EIF3J: variants seen among roughly 807,000 people sequenced by gnomAD.
The protein encoded by EIF3J is eukaryotic translation initiation factor 3, subunit 1 (alpha, 35kD).
A neutral mutation model predicts 39.0 loss-of-function variants in EIF3J; 15 were observed. The ratio of observed to expected loss-of-function variants is 0.38; its 90% CI spans 0.26 to 0.59. The LOEUF (loss-of-function observed/expected upper bound fraction) is 0.59, where lower values mean the gene tolerates loss of function less well. Among genes scored for constraint, EIF3J ranks in the 20% least tolerant of loss-of-function variants. EIF3J has a pLI of 0.60. For synonymous variants in EIF3J, 98 were observed against 112.9 expected (o/e 0.87, Z 0.84); for missense variants, 226 against 308.6 (o/e 0.73, Z 2.00).
rs779492043 is a variant in EIF3J, at chr15:44,537,153, T to C, written c.-42T>C. The C allele has an allele frequency of 1.2e-6, 2 of 1,612,848 alleles. No individual in the cohort carries two copies. The highest frequency in any genetic ancestry group is 1.7e-6 in the Non-Finnish European group (2 of 1,179,448). On this transcript the variant is annotated 5_prime_UTR_variant, in exon 1 of 8. Transcript: ENST00000261868. ...GACTCACCTCCGCCGTGCTAACTCC[T>C]CGCTAGCTCTCCCTCTCACACACGC...
rs2082201291 is a variant in EIF3J, at chr15:44,561,902, TTCTCTTAG to T, written c.*754_*761del. 6.6e-6 allele frequency: 1 copy of T among 152,668 alleles called. No homozygotes were observed. Among genetic ancestry groups the T allele is most frequent in the South Asian group, 2.1e-4 (1 of 4,832 alleles). The allele number at this position is 152,668 out of a possible 1,614,324, so 9.5% of individuals were successfully genotyped here. On this transcript the variant is annotated 3_prime_UTR_variant, in exon 8 of 8. Transcript: ENST00000261868. ...TAAGTGTCTGAGAAACAAATCTTTG[TTCTCTTAG>T]GCTGCAATGGAACAACTTTACCAGG...
At chr15:44,539,642 T>A (rs868532401) in intron 2 of EIF3J, among the ~76,000 whole-genome samples, 3 of 151,056 alleles carry the variant, frequency 2.0e-5, no homozygotes, top group African/African-American at 4.9e-5. Context: ...CCTTGTGATC[T>A]GCCCGCCTTG....
chr15:44,540,237 A>C (rs1226853566), intron 2 of EIF3J, among the ~76,000 whole-genome samples: 1 of 52,694 alleles, frequency 1.9e-5, no homozygotes, highest in Non-Finnish European at 3.4e-5. Context: ...GCGCCTGGCT[A>C]TATATATATA....
At chr15:44,539,104 G>A (rs532855451) in intron 2 of EIF3J, among the ~76,000 whole-genome samples, 1 of 146,082 alleles carries the variant, frequency 6.8e-6, no homozygotes, top group South Asian at 2.1e-4. Flanking sequence ...TTGGCTCACT[G>A]CAACCTCCAC....
intron 5 of EIF3J, among the ~76,000 whole-genome samples, 172 bp from the exon 6 acceptor site, chr15:44,557,317 C>A (rs2082152732): frequency 6.6e-6 from 1 of 151,886 alleles, no homozygotes; most frequent in Non-Finnish European, 1.5e-5. Flanking sequence ...GTTTGTAACC[C>A]CCCTCCCCCC....
At chr15:44,542,310 C>T (rs1362610896) in intron 2 of EIF3J, among the ~76,000 whole-genome samples, 1 of 151,314 alleles carries the variant, frequency 6.6e-6, no homozygotes, top group Non-Finnish European at 1.5e-5. Flanking sequence ...AACTGCACAG[C>T]TTACAGAACA....
chr15:44,554,440 G>A, intron 4 of EIF3J, 113 bp from the exon 5 acceptor site: 1 of 390,348 alleles, frequency 2.6e-6, no homozygotes, highest in South Asian at 6.0e-5. Context: ...GTAATTACCA[G>A]TGTTCACTTT....
chr15:44,561,538 C>G lies in EIF3J; in HGVS notation c.*389C>G, dbSNP rs1405333794. ...CATACCTCCTTGAACTACTTCATAA[C>G]TTGTCAAGAAAAGCAGTTTGCAGCA... On this transcript the variant is annotated 3_prime_UTR_variant, in exon 8 of 8. Coordinates refer to ENST00000261868, the MANE Select transcript of EIF3J (RefSeq NM_003758.4). 6.3e-6 allele frequency: 1 copy of G among 157,796 alleles called. No homozygotes were observed. Among genetic ancestry groups the G allele is most frequent in the East Asian group, 1.8e-4 (1 of 5,566 alleles). 9.8% of individuals were successfully genotyped at this position (157,796 alleles called of 1,614,324 possible).
intron 2 of EIF3J, among the ~76,000 whole-genome samples, chr15:44,543,030 A>T (rs888246639): frequency 6.6e-6 from 1 of 152,178 alleles, no homozygotes; most frequent in Non-Finnish European, 1.5e-5. Context: ...TTTACATTTT[A>T]TCTGAATTTG....
intron 2 of EIF3J, among the ~76,000 whole-genome samples, chr15:44,547,736 C>T (rs759267591): frequency 4.0e-5 from 5 of 125,150 alleles, no homozygotes; most frequent in South Asian, 2.4e-4. Context: ...GCATGAGCCA[C>T]GCACCCGGCC....
chr15:44,552,240 T>G (rs1337412566), intron 4 of EIF3J, among the ~76,000 whole-genome samples: 1 of 152,094 alleles, frequency 6.6e-6, no homozygotes, highest in Non-Finnish European at 1.5e-5. Flanking sequence ...CAGAAATATA[T>G]GCTTGTTTTT....
chr15:44,551,294 C>A, intron 3 of EIF3J, 137 bp from the exon 4 acceptor site: 1 of 642,498 alleles, frequency 1.6e-6, no homozygotes, highest in Non-Finnish European at 2.6e-6. Context: ...CAGAAGTTTC[C>A]CATTATTTGT....
At chr15:44,538,539 A>G (rs2081980882) in intron 2 of EIF3J, among the ~76,000 whole-genome samples, 2 of 152,126 alleles carry the variant, frequency 1.3e-5, no homozygotes, top group African/African-American at 2.4e-5. Context: ...CTTAATAGGA[A>G]TGTTGTTTTG....
At chr15:44,546,823 T>G (rs1156784172) in intron 2 of EIF3J, among the ~76,000 whole-genome samples, 5 of 123,656 alleles carry the variant, frequency 4.0e-5, no homozygotes, top group African/African-American at 2.0e-4. Flanking sequence ...GATCTTTTTT[T>G]TTTTTTTTTT....
intron 7 of EIF3J, chr15:44,560,648 G>A: frequency 2.9e-6 from 1 of 343,914 alleles, no homozygotes; most frequent in Non-Finnish European, 5.3e-6. Context: ...TCACTTTGCA[G>A]AGTATTTATA....
chr15:44,560,326 A>G lies in EIF3J; in HGVS notation c.645+4A>G. 1 of 1,612,864 alleles carries G rather than the reference A, an allele frequency of 6.2e-7. No homozygotes were observed. Among genetic ancestry groups the G allele is most frequent in the Non-Finnish European group, 8.5e-7 (1 of 1,179,846 alleles). ...TGAAAAACAGAAGCAAGAAAAGGTA[A>G]GAGCAAGCTGTGTAGGGAAATGGGT... On this transcript the variant is annotated splice_donor_region_variant and intron_variant, in intron 7 of 7. Coordinates refer to ENST00000261868, the MANE Select transcript of EIF3J (RefSeq NM_003758.4).
intron 2 of EIF3J, among the ~76,000 whole-genome samples, chr15:44,539,622 A>G (rs572939317): frequency 2.2e-4 from 34 of 151,440 alleles, no homozygotes; most frequent in African/African-American, 2.7e-4. Flanking sequence ...GGATGGTCTC[A>G]ATCTCCTGAC....
In EIF3J at chr15:44,561,306, G is replaced by T. The variant is rs1027233474; in HGVS notation, c.*157G>T. ...CCCCTTGACACTTAGGTGCTAATGT[G>T]CAAATGAGGGAACTTGGATCTTGCT... On this transcript the variant is annotated 3_prime_UTR_variant, in exon 8 of 8. Coordinates refer to ENST00000261868, the MANE Select transcript of EIF3J (RefSeq NM_003758.4). 4.4e-5 allele frequency: 35 copies of T among 789,422 alleles called. No individual in the cohort carries two copies. In the African/African-American group the frequency reaches 5.9e-4, roughly 13 times the overall value. The allele number at this position is 789,422 out of a possible 1,614,324, so 48.9% of individuals were successfully genotyped here.
chr15:44,551,427 T>C lies in EIF3J; in HGVS notation c.203-4T>C. 6.4e-7 allele frequency: 1 copy of C among 1,558,942 alleles called. No homozygotes were observed. The highest frequency in any genetic ancestry group is 8.7e-7 in the Non-Finnish European group (1 of 1,151,564). ...AACTGAATAAAACTTTTTTTTACTTTTAGAGGTAAAAATTTCAGAAAAGAA... is the reference window on the plus strand; with the variant it reads ...AACTGAATAAAACTTTTTTTTACTTCTAGAGGTAAAAATTTCAGAAAAGAA... On this transcript the variant is annotated splice_polypyrimidine_tract_variant and splice_region_variant and intron_variant, in intron 3 of 7. Coordinates refer to ENST00000261868, the MANE Select transcript of EIF3J (RefSeq NM_003758.4).
Sources: allele counts gnomAD v4.1 joint callset (sites outside exome capture counted in the v4.1 genomes callset), GRCh38; gene constraint gnomAD v4.1.1; transcripts MANE v1.5; gene names NCBI Gene and HGNC (gene_info 2026-07-23, HGNC 2026-07-21).